Variants in WT1 observed in about 807,000 individuals in gnomAD.
WT1 encodes WT1 transcription factor, also known as Wilms tumor protein.
In WT1, 8 loss-of-function variants were observed where a neutral mutation model predicts 60.8. The observed-to-expected ratio is 0.13, with a 90% CI of 0.08 to 0.24. The LOEUF (loss-of-function observed/expected upper bound fraction) is 0.24. Among genes scored for constraint, WT1 ranks in the 10% least tolerant of loss-of-function variants. The pLI is 1.00. For missense variants in WT1, 568 were observed against 711.8 expected (o/e 0.80, Z 2.30); for synonymous variants, 312 against 297.1 (o/e 1.05, Z -0.52).
At chr11:32,413,382 C>T (rs1446720435) in intron 5 of WT1, among the ~76,000 whole-genome samples, 1 of 152,108 alleles carries the variant, frequency 6.6e-6, no homozygotes, top group Non-Finnish European at 1.5e-5. Context: ...ATGTATTCTC[C>T]ATATTAATAC....
intron 9 of WT1, 90 bp downstream of exon 9, chr11:32,391,882 C>T (rs550615866): frequency 2.2e-6 from 3 of 1,340,564 alleles, no homozygotes; most frequent in East Asian, 2.3e-5. Flanking sequence ...AACTTTTACA[C>T]TAGTCTTTTC....
At chr11:32,433,643 T>C (rs554708046) in intron 1 of WT1, among the ~76,000 whole-genome samples, 1 of 152,312 alleles carries the variant, frequency 6.6e-6, no homozygotes, top group East Asian at 1.9e-4. Flanking sequence ...AGGTTCTCAA[T>C]AGCGTGGAAA....
At chr11:32,424,717 T>G (rs967678741) in intron 3 of WT1, among the ~76,000 whole-genome samples, 1 of 152,150 alleles carries the variant, frequency 6.6e-6, no homozygotes, top group South Asian at 2.1e-4. Context: ...CAGCTGCAAC[T>G]CCTCAGAACT....
At chr11:32,397,499 T>G (rs77336767) in intron 6 of WT1, among the ~76,000 whole-genome samples, 2 of 151,062 alleles carry the variant, frequency 1.3e-5, no homozygotes, top group Non-Finnish European at 3.0e-5. Flanking sequence ...TTTTTTTTTT[T>G]GGTAGAGATA....
chr11:32,419,315 C>T (rs998965372), intron 3 of WT1, among the ~76,000 whole-genome samples: 19 of 152,174 alleles, frequency 1.2e-4, no homozygotes, highest in Admixed American at 1.0e-3. Flanking sequence ...TGTTCTCCTG[C>T]GCCTTTTCAT....
intron 3 of WT1, among the ~76,000 whole-genome samples, chr11:32,419,837 G>T (rs909463492): frequency 6.6e-6 from 1 of 152,196 alleles, no homozygotes; most frequent in African/African-American, 2.4e-5. Context: ...GGGACTACAG[G>T]CATCTGCCAC....
At chr11:32,433,353 C>G (rs1275485364) in intron 1 of WT1, among the ~76,000 whole-genome samples, 4 of 152,232 alleles carry the variant, frequency 2.6e-5, no homozygotes, top group Non-Finnish European at 5.9e-5. Flanking sequence ...GTTTCGATTT[C>G]TCCAAGGCTT....
rs111550132 is a variant in WT1, at chr11:32,395,798, C to T, written c.1264+459G>A. 5.6e-3 allele frequency among the ~76,000 whole-genome samples: 851 copies of T among 152,014 alleles called. 11 individuals carry two copies. Among genetic ancestry groups the T allele is most frequent in the Non-Finnish European group, 8.4e-3 (572 of 67,978 alleles). On this transcript the variant is annotated intron_variant, in intron 7 of 9. Transcript: ENST00000452863. The stretch of plus-strand genomic sequence containing the variant: ...AGTGATCACTAAAAAATCAAACTAA[C>T]AATCAATTTTCCCCTTCCTGTCTAG...
chr11:32,394,711 T>C (rs1851915011), intron 7 of WT1, among the ~76,000 whole-genome samples: 1 of 152,204 alleles, frequency 6.6e-6, no homozygotes. Flanking sequence ...ATTGCTCTCT[T>C]TCAAGGGGGA....
At position 32,428,115 on chromosome 11, in the gene WT1, G is replaced by A. The variant is rs2234585; in HGVS notation, c.785-57C>T. On this transcript the variant is annotated intron_variant, in intron 2 of 9. Coordinates refer to ENST00000452863, the MANE Select transcript of WT1 (RefSeq NM_024426.6). Reference sequence around the variant, plus strand: ...TGCGCCCCAAGGGCTCGGGGTGCGAGGCTGCGGGCAGGGGTTGGGGGAGAC... The same window carrying A: ...TGCGCCCCAAGGGCTCGGGGTGCGAAGCTGCGGGCAGGGGTTGGGGGAGAC... The A allele has an allele frequency of 0.19, 276,830 of 1,478,162 alleles. 35,734 individuals are homozygous for A. Among genetic ancestry groups the A allele is most frequent in the East Asian group, 0.7 (29,721 of 42,728 alleles). 91.6% of individuals were successfully genotyped at this position (1,478,162 alleles called of 1,614,324 possible).
chr11:32,398,158 T>C (rs1292333103), intron 6 of WT1, among the ~76,000 whole-genome samples: 1 of 152,160 alleles, frequency 6.6e-6, no homozygotes, highest in Non-Finnish European at 1.5e-5. Flanking sequence ...ATTGAAAGGC[T>C]TGGGAGTAGG....
At position 32,428,703 on chromosome 11, in the gene WT1, G is replaced by A. The variant is rs541722316; in HGVS notation, c.662-84C>T. ...GGGTCTGAACCAGCCACGGGCGGGG[G>A]GGGTGTGCGCTGAACCCCGCATTCG... On this transcript the variant is annotated intron_variant, in intron 1 of 9. Transcript: ENST00000452863. The A allele has an allele frequency of 9.3e-5, 145 of 1,553,712 alleles. No homozygotes were observed. The African/African-American group carries it at 1.5e-3, about 16-fold the overall frequency.
intron 9 of WT1, 143 bp downstream of exon 9, chr11:32,391,829 T>C (rs1851825688): frequency 1.3e-6 from 1 of 754,774 alleles, no homozygotes; most frequent in South Asian, 1.7e-5. Flanking sequence ...TATTTAAAGA[T>C]AGCCACGCAC....
At chr11:32,409,078 T>C (rs985828931) in intron 5 of WT1, among the ~76,000 whole-genome samples, 3 of 152,314 alleles carry the variant, frequency 2.0e-5, no homozygotes, top group Non-Finnish European at 4.4e-5. Flanking sequence ...TATGCACTTA[T>C]CAGATCTTAT....
In WT1 at chr11:32,392,036, A is replaced by G; in HGVS notation, c.1383T>C (p.Cys461=). The change falls in exon 9 of 10, where the codon TGT becomes TGC. Residue 461 remains cysteine, a synonymous_variant. Coordinates refer to ENST00000452863, the MANE Select transcript of WT1 (RefSeq NM_024426.6). ...GGTCGGACCGGGAGAACTTTCGCTG[A>G]CAAGTTTTACACTGGAATGGTTTCA... 6.2e-7 allele frequency: 1 copy of G among 1,614,138 alleles called. No homozygotes were observed.
chr11:32,426,668 A>G (rs1853049590), intron 3 of WT1, among the ~76,000 whole-genome samples: 2 of 151,912 alleles, frequency 1.3e-5, no homozygotes, highest in African/African-American at 4.8e-5. Context: ...GAATAGATAA[A>G]CCGGATGTTC....
At chr11:32,393,466 A>C (rs1851876612) in intron 7 of WT1, among the ~76,000 whole-genome samples, 1 of 152,218 alleles carries the variant, frequency 6.6e-6, no homozygotes, top group South Asian at 2.1e-4. Context: ...AAGAGAAGTG[A>C]GCAACCCCAG....
chr11:32,432,816 G>A (rs921545312), intron 1 of WT1, among the ~76,000 whole-genome samples: 1 of 152,164 alleles, frequency 6.6e-6, no homozygotes, highest in Non-Finnish European at 1.5e-5. Flanking sequence ...GGACCCAAAC[G>A]AAGCGACAGA....
chr11:32,399,864 G>A (rs1852093241), intron 6 of WT1, 84 bp downstream of exon 6: 2 of 1,440,324 alleles, frequency 1.4e-6, no homozygotes, highest in Non-Finnish European at 1.9e-6. Flanking sequence ...GGGCCAAAGA[G>A]TCCATCAGTA....
Sources: gnomAD v4.1 joint callset for allele counts (sites outside exome capture counted in the v4.1 genomes callset) on GRCh38, gnomAD v4.1.1 for gene constraint, MANE v1.5 for transcripts, NCBI Gene and HGNC (gene_info 2026-07-23, HGNC 2026-07-21) for gene names.